The following SLCO3A1 variants were observed in gnomAD, a reference collection of about 807,000 sequenced individuals.
SLCO3A1 encodes solute carrier organic anion transporter family member 3A1, also known as PGE1 transporter.
In SLCO3A1, 27 loss-of-function variants were observed where a neutral mutation model predicts 63.1. The observed-to-expected ratio is 0.43, with a 90% confidence interval of 0.32 to 0.59. The LOEUF (loss-of-function observed/expected upper bound fraction) is 0.59, where lower values mean the gene tolerates loss of function less well. SLCO3A1 is among the 20% of genes least tolerant of loss of function. The pLI, the probability that SLCO3A1 is intolerant of heterozygous loss-of-function variation, is 0.09. For missense variants in SLCO3A1, 773 were observed against 945.8 expected (o/e 0.82, Z 2.40); for synonymous variants, 473 against 409.9 (o/e 1.15, Z -1.86).
intron 7 of SLCO3A1, among the ~76,000 whole-genome samples, chr15:92,136,263 AAAT>A (rs1358724670): frequency 6.6e-6 from 1 of 152,196 alleles, no homozygotes; most frequent in African/African-American, 2.4e-5. Flanking sequence ...CCTCTTAGAA[AAAT>A]AATCTTTCCA....
intron 2 of SLCO3A1, among the ~76,000 whole-genome samples, chr15:92,052,007 G>T (rs952760619): frequency 2.0e-5 from 3 of 152,154 alleles, no homozygotes; most frequent in Non-Finnish European, 2.9e-5. Flanking sequence ...CAGCTTTTGA[G>T]TAAAGCAGGC....
intron 2 of SLCO3A1, among the ~76,000 whole-genome samples, chr15:92,053,567 T>C (rs2046983982): frequency 6.6e-6 from 1 of 152,186 alleles, no homozygotes; most frequent in Admixed American, 6.5e-5. Context: ...TGGCTCCTCT[T>C]GGCTGTGACA....
chr15:92,120,990 G>A lies in SLCO3A1; in HGVS notation c.1174+361G>A, dbSNP rs534784690. ...GCCACATAAAGTTAAGAATATTCTTGGCAGCATGAGACCCATAGTTAACTG... is the reference window on the plus strand; with the variant it reads ...GCCACATAAAGTTAAGAATATTCTTAGCAGCATGAGACCCATAGTTAACTG... On this transcript the variant is annotated intron_variant, in intron 5 of 9. Coordinates refer to ENST00000318445, the MANE Select transcript of SLCO3A1 (RefSeq NM_013272.4). Among the ~76,000 whole-genome samples the A allele has an allele frequency of 3.9e-5, 6 of 152,252 alleles. No homozygotes were observed. The South Asian group carries it at 1.2e-3, about 32-fold the overall frequency.
rs545870519 is a variant in SLCO3A1, at chr15:91,863,590, C to G, written c.180+9502C>G. 6.6e-6 allele frequency among the ~76,000 whole-genome samples: 1 copy of G among 152,342 alleles called. No individual in the cohort carries two copies. Among genetic ancestry groups the G allele is most frequent in the East Asian group, 1.9e-4 (1 of 5,174 alleles). ...ACACCATCCTCTTCTTGAAGCTATA[C>G]ATGCGTGGGGTGCACAGCACACCAC... On this transcript the variant is annotated intron_variant, in intron 1 of 9. Transcript: ENST00000318445. This position sits in a 1 kb window ranked among gnomAD's most constrained non-coding sequence, Gnocchi z 4.3.
chr15:91,980,225 C>T (rs927319698), intron 2 of SLCO3A1, among the ~76,000 whole-genome samples: 9 of 152,038 alleles, frequency 5.9e-5, no homozygotes, highest in Non-Finnish European at 1.2e-4. Flanking sequence ...CTCGCTGCCC[C>T]GGTGGAGCTG....
chr15:92,043,204 A>T (rs1484316629), intron 2 of SLCO3A1, among the ~76,000 whole-genome samples: 1 of 102,110 alleles, frequency 9.8e-6, no homozygotes, highest in South Asian at 3.5e-4. Flanking sequence ...AGCCATGGTT[A>T]AGCTTCAAGG....
At chr15:91,999,631 CA>C (rs140487499) in intron 2 of SLCO3A1, among the ~76,000 whole-genome samples, 1,960 of 152,314 alleles carry the variant, frequency 0.013, 44 homozygotes, top group African/African-American at 0.044. Context: ...TGAGGATTTT[CA>C]CACAGTGCTG....
chr15:91,853,970 A>T lies in SLCO3A1; in HGVS notation c.62A>T (p.Asp21Val), dbSNP rs1180553397. 1.3e-6 allele frequency: 2 copies of T among 1,496,760 alleles called. No individual in the cohort carries two copies. The highest frequency in any genetic ancestry group is 1.8e-6 in the Non-Finnish European group (2 of 1,119,522). 92.7% of individuals were successfully genotyped at this position (1,496,760 alleles called of 1,614,324 possible). A position where few individuals can be genotyped will look rare whatever the true frequency, so the allele number is the denominator to read the frequency against. The change falls in exon 1 of 10, where the codon GAC becomes GTC. Residue 21 changes from aspartate to valine, a missense_variant. Around this residue, in one of 3 missense-constraint regions of SLCO3A1, gnomAD observed 69 missense variants for 64.6 expected, o/e 1.07. Transcript: ENST00000318445. ...GGCCGGAGCGGCGAGCTGCAGGGGG[A>T]CGAGGCGCAGAGGAACAAGAAAAAG... ...GGGRSGELQGDEAQRNKKKKK... is the reference protein window; with the variant it reads ...GGGRSGELQGVEAQRNKKKKK...
At chr15:92,167,707 G>C (rs1853590947), downstream of SLCO3A1, among the ~76,000 whole-genome samples, 1 of 152,184 alleles carries the variant, frequency 6.6e-6, no homozygotes, top group African/African-American at 2.4e-5. Context: ...CTGTTGCCTA[G>C]AACAGCATGT....
intron 2 of SLCO3A1, among the ~76,000 whole-genome samples, chr15:92,014,167 T>G (rs1289758588): frequency 3.3e-5 from 5 of 151,822 alleles, no homozygotes; most frequent in Non-Finnish European, 5.9e-5. Context: ...TGGAGGAAAA[T>G]CAGTACCTTT....
At position 92,057,661 on chromosome 15, in the gene SLCO3A1, C is replaced by A. The variant is rs77575957; in HGVS notation, c.647-37220C>A. Among the ~76,000 whole-genome samples, 1,154 of 152,264 alleles carry A rather than the reference C, an allele frequency of 7.6e-3. 44 individuals carry two copies. Among genetic ancestry groups the A allele is most frequent in the Admixed American group, 0.067 (1,027 of 15,286 alleles). ...CAGCGCTTGAGCCTCCAGACATTGA[C>A]CAGAATGTCTGCTGCTTCTTGATGC... On this transcript the variant is annotated intron_variant, in intron 2 of 9. Transcript: ENST00000318445.
chr15:91,954,076 G>A lies in SLCO3A1; in HGVS notation c.646+37618G>A, dbSNP rs996295663. Among the ~76,000 whole-genome samples the A allele has an allele frequency of 1.3e-5, 2 of 152,206 alleles. No homozygotes were observed. Among genetic ancestry groups the A allele is most frequent in the Non-Finnish European group, 2.9e-5 (2 of 68,040 alleles). ...GGTGTGTGTTCTGTTAGCCATGGGC[G>A]ATGTCTTCACAGAGCATGTAGAAAC... On this transcript the variant is annotated intron_variant, in intron 2 of 9. Transcript: ENST00000318445. This position sits in a 1 kb window ranked among gnomAD's most constrained non-coding sequence, Gnocchi z 4.7.
chr15:92,053,094 T>G (rs1300279981), intron 2 of SLCO3A1, among the ~76,000 whole-genome samples: 1 of 152,186 alleles, frequency 6.6e-6, no homozygotes, highest in Non-Finnish European at 1.5e-5. Context: ...TCTGGACATT[T>G]ATTCACAAGT....
chr15:92,052,011 A>G (rs983169345), intron 2 of SLCO3A1, among the ~76,000 whole-genome samples: 3 of 152,186 alleles, frequency 2.0e-5, no homozygotes, highest in African/African-American at 7.2e-5. Flanking sequence ...TTTTGAGTAA[A>G]GCAGGCTCCG....
intron 2 of SLCO3A1, among the ~76,000 whole-genome samples, chr15:92,057,596 C>T (rs2047037163): frequency 1.3e-5 from 2 of 152,192 alleles, no homozygotes; most frequent in African/African-American, 4.8e-5. Flanking sequence ...TTTCCTCAGG[C>T]CCCACCTTTG....
chr15:91,930,065 G>C (rs1264457165), intron 2 of SLCO3A1, among the ~76,000 whole-genome samples: 1 of 152,144 alleles, frequency 6.6e-6, no homozygotes, highest in African/African-American at 2.4e-5. Context: ...CCTAAGGTGT[G>C]TTAAACTCAG....
chr15:91,987,051 C>G (rs964172198), intron 2 of SLCO3A1, among the ~76,000 whole-genome samples: 8 of 152,138 alleles, frequency 5.3e-5, no homozygotes, highest in African/African-American at 1.9e-4. Flanking sequence ...TGGGGCTTCA[C>G]AGCCCCAAAG....
At chr15:92,059,950 G>T (rs375044151) in intron 2 of SLCO3A1, among the ~76,000 whole-genome samples, 1 of 152,206 alleles carries the variant, frequency 6.6e-6, no homozygotes, top group South Asian at 2.1e-4. Context: ...AGGCTATAGG[G>T]TGTAGCCTGT....
chr15:92,165,983 T>G (rs1006011851), downstream of SLCO3A1: 23 of 735,772 alleles, frequency 3.1e-5, no homozygotes, highest in Non-Finnish European at 3.8e-5. Context: ...AAAGTCTCTC[T>G]CTGCTGAAAT....
Sources: allele counts gnomAD v4.1 joint callset (sites outside exome capture counted in the v4.1 genomes callset), GRCh38; gene constraint gnomAD v4.1.1; regional missense constraint gnomAD v4.1.1; non-coding constraint Gnocchi (gnomAD v3.1); transcripts MANE v1.5; gene names NCBI Gene and HGNC (gene_info 2026-07-23, HGNC 2026-07-21).